Variants in ADARB1 observed in about 807,000 individuals in gnomAD.
ADARB1 encodes the protein double-stranded RNA-specific editase 1.
ADARB1 carries 10 observed loss-of-function variants against 52.4 expected under a neutral mutation model. The observed-to-expected ratio is 0.19, with a 90% confidence interval of 0.12 to 0.32. The LOEUF (loss-of-function observed/expected upper bound fraction) is 0.32, where lower values mean the gene tolerates loss of function less well. ADARB1 is among the 10% of genes least tolerant of loss of function. The pLI, the probability that ADARB1 is intolerant of heterozygous loss-of-function variation, is 1.00. For missense variants in ADARB1, 643 were observed against 922.3 expected (o/e 0.70, Z 3.92); for synonymous variants, 349 against 371.1 (o/e 0.94, Z 0.68).
At chr21:45,141,315 T>C (rs1463723152) in intron 2 of ADARB1, among the ~76,000 whole-genome samples, 1 of 152,262 alleles carries the variant, frequency 6.6e-6, no homozygotes, top group Non-Finnish European at 1.5e-5. Flanking sequence ...AAAATTAGCC[T>C]ATACTCTCAT....
rs1159807555 is a variant in ADARB1 at position 45,172,136 on chromosome 21, G to C, written c.28+452G>C. On this transcript the variant is annotated intron_variant, in intron 3 of 10. Coordinates refer to ENST00000348831, the MANE Select transcript of ADARB1 (RefSeq NM_001112.4). This position sits in a 1 kb window ranked among gnomAD's most constrained non-coding sequence, Gnocchi z 4.4. ...CATTTTGAAGGAAGGGGATTCACAC[G>C]TGTCTGTTGATCTAAAGTTCGCAAA... Among the ~76,000 whole-genome samples, 1 of 152,166 alleles carries C rather than the reference G, an allele frequency of 6.6e-6. No individual in the cohort carries two copies. The highest frequency in any genetic ancestry group is 6.5e-5 in the Admixed American group (1 of 15,280).
intron 8 of ADARB1, among the ~76,000 whole-genome samples, chr21:45,197,253 A>G (rs1436294497): frequency 6.6e-6 from 1 of 151,604 alleles, no homozygotes; most frequent in East Asian, 1.9e-4. Flanking sequence ...TGTAATCCCA[A>G]CTCTTTGGGA....
chr21:45,166,850 G>C (rs1347116342), intron 2 of ADARB1, among the ~76,000 whole-genome samples: 1 of 150,210 alleles, frequency 6.7e-6, no homozygotes, highest in African/African-American at 2.5e-5. Flanking sequence ...AAATGAAGAG[G>C]TTGTTTTGAA....
At chr21:45,121,594 GTC>G (rs1193403640) in intron 1 of ADARB1, among the ~76,000 whole-genome samples, 1 of 152,154 alleles carries the variant, frequency 6.6e-6, no homozygotes, top group Non-Finnish European at 1.5e-5. Flanking sequence ...GGTACTTTCT[GTC>G]TCTCGTGTGT....
chr21:45,143,616 C>A (rs1210245773), intron 2 of ADARB1, among the ~76,000 whole-genome samples: 1 of 152,206 alleles, frequency 6.6e-6, no homozygotes, highest in African/African-American at 2.4e-5. Flanking sequence ...CCAGGAGGTC[C>A]CATGTGCAGA....
At chr21:45,090,563 T>C (rs2086522052) in intron 1 of ADARB1, among the ~76,000 whole-genome samples, 1 of 152,050 alleles carries the variant, frequency 6.6e-6, no homozygotes, top group African/African-American at 2.4e-5. Flanking sequence ...TTCCTGAAAA[T>C]GTGACAGTCT....
At chr21:45,216,892 C>T (rs2092873784) in intron 9 of ADARB1, among the ~76,000 whole-genome samples, 1 of 151,838 alleles carries the variant, frequency 6.6e-6, no homozygotes, top group Admixed American at 6.6e-5. Flanking sequence ...TGATTAGATG[C>T]ATAAAAATGT....
intron 1 of ADARB1, among the ~76,000 whole-genome samples, chr21:45,127,992 G>A (rs2088697686): frequency 6.6e-6 from 1 of 152,208 alleles, no homozygotes; most frequent in Non-Finnish European, 1.5e-5. Context: ...CAGAGCACGT[G>A]CAGGGATGGT....
chr21:45,125,412 G>A (rs2145816824), intron 1 of ADARB1, among the ~76,000 whole-genome samples: 1 of 152,370 alleles, frequency 6.6e-6, no homozygotes, highest in African/African-American at 2.4e-5. Context: ...CCCGCCTGGG[G>A]CTGACTAGAC....
chr21:45,211,538 A>G (rs898376125), intron 9 of ADARB1, among the ~76,000 whole-genome samples: 1 of 152,234 alleles, frequency 6.6e-6, no homozygotes, highest in Non-Finnish European at 1.5e-5. Context: ...ATCATTATGT[A>G]TATTATTCAT....
intron 2 of ADARB1, among the ~76,000 whole-genome samples, chr21:45,131,687 G>A (rs1429021636): frequency 6.6e-6 from 1 of 152,188 alleles, no homozygotes; most frequent in Non-Finnish European, 1.5e-5. Flanking sequence ...AAGTTCTCTC[G>A]AAGCCTTGAC....
At chr21:45,160,301 G>A (rs188687519) in intron 2 of ADARB1, among the ~76,000 whole-genome samples, 3 of 152,352 alleles carry the variant, frequency 2.0e-5, no homozygotes, top group East Asian at 1.9e-4. Flanking sequence ...GATCCCTGCC[G>A]GGAGCCGCTG....
At chr21:45,084,315 T>C (rs1324534352) in intron 1 of ADARB1, among the ~76,000 whole-genome samples, 1 of 152,242 alleles carries the variant, frequency 6.6e-6, no homozygotes, top group East Asian at 1.9e-4. Context: ...CTTCCTGCCA[T>C]GGCTGCCGAG....
chr21:45,224,625 G>A lies in ADARB1; in HGVS notation c.*2428G>A, dbSNP rs2093030007. ...GCTGTGAGGAGGAGTTGGGTTCAGGGAGCCCTGGGCGGGGTGGCTGTCAGG... is the reference window on the plus strand; with the variant it reads ...GCTGTGAGGAGGAGTTGGGTTCAGGAAGCCCTGGGCGGGGTGGCTGTCAGG... On this transcript the variant is annotated 3_prime_UTR_variant, in exon 11 of 11. Coordinates refer to ENST00000348831, the MANE Select transcript of ADARB1 (RefSeq NM_001112.4). 1.1e-6 allele frequency: 1 copy of A among 929,324 alleles called. No homozygotes were observed. The highest frequency in any genetic ancestry group is 1.3e-6 in the Non-Finnish European group (1 of 785,848). 57.6% of individuals were successfully genotyped at this position (929,324 alleles called of 1,614,324 possible). A position where few individuals can be genotyped will look rare whatever the true frequency, so the allele number is the denominator to read the frequency against.
chr21:45,224,647 CA>C lies in ADARB1; in HGVS notation c.*2451del, dbSNP rs2093030832. The C allele has an allele frequency of 5.3e-6, 3 of 567,684 alleles. No individual in the cohort carries two copies. Among genetic ancestry groups the C allele is most frequent in the African/African-American group, 8.3e-5 (1 of 12,088 alleles). The allele number at this position is 567,684 out of a possible 1,614,324, so 35.2% of individuals were successfully genotyped here. A position where few individuals can be genotyped will look rare whatever the true frequency, so the allele number is the denominator to read the frequency against. On this transcript the variant is annotated 3_prime_UTR_variant, in exon 11 of 11. Coordinates refer to ENST00000348831, the MANE Select transcript of ADARB1 (RefSeq NM_001112.4). ...AGGGAGCCCTGGGCGGGGTGGCTGT[CA>C]GGGGGAACTGGGTTCCGGGAGCCCT...
chr21:45,156,086 A>AT (rs2090583160), intron 2 of ADARB1, among the ~76,000 whole-genome samples: 1 of 142,136 alleles, frequency 7.0e-6, no homozygotes, highest in African/African-American at 2.7e-5. Flanking sequence ...CCATCCATCT[A>AT]CCCACCCACC....
At chr21:45,113,980 A>C (rs897269134) in intron 1 of ADARB1, among the ~76,000 whole-genome samples, 1 of 152,220 alleles carries the variant, frequency 6.6e-6, no homozygotes, top group African/African-American at 2.4e-5. Context: ...AAAGCACCAG[A>C]ATTCTTTTAT....
chr21:45,175,179 ATTT>A (rs2091643320), intron 3 of ADARB1, among the ~76,000 whole-genome samples: 1 of 152,230 alleles, frequency 6.6e-6, no homozygotes, highest in African/African-American at 2.4e-5. Flanking sequence ...TTGATTGAAT[ATTT>A]TAAACCTGAA....
At chr21:45,161,672 A>C (rs1050950251) in intron 2 of ADARB1, among the ~76,000 whole-genome samples, 14 of 152,310 alleles carry the variant, frequency 9.2e-5, no homozygotes, top group Admixed American at 7.8e-4. Context: ...GCTCCTGGGA[A>C]GAAAGGGGAG....
Sources: allele counts gnomAD v4.1 joint callset (sites outside exome capture counted in the v4.1 genomes callset), GRCh38; gene constraint gnomAD v4.1.1; non-coding constraint Gnocchi (gnomAD v3.1); transcripts MANE v1.5; gene names NCBI Gene and HGNC (gene_info 2026-07-23, HGNC 2026-07-21).